Variants in PNPLA6 observed in about 807,000 individuals in gnomAD.
The protein encoded by PNPLA6 is patatin-like phospholipase domain-containing protein 6.
In PNPLA6, 105 loss-of-function variants were observed where a neutral mutation model predicts 153.7. The ratio of observed to expected loss-of-function variants is 0.68; its 90% confidence interval spans 0.58 to 0.80. The LOEUF (loss-of-function observed/expected upper bound fraction) is 0.80. Among genes scored for constraint, PNPLA6 ranks in the 30% least tolerant of loss-of-function variants. PNPLA6 has a pLI of 0.00. For missense variants in PNPLA6, 1,423 were observed against 1,919.3 expected, an observed-to-expected ratio of 0.74 and a Z score of 4.83; for synonymous variants, 825 against 822.2, an observed-to-expected ratio of 1.00 and a Z score of -0.06.
chr19:7,534,364 C>G (rs777457449), upstream of PNPLA6: 43 of 176,612 alleles, frequency 2.4e-4, no homozygotes, highest in Admixed American at 4.3e-4. Context: ...TCCCATACCC[C>G]CCACGTCTCG....
chr19:7,554,635 C>G lies in PNPLA6; in HGVS notation c.2546C>G (p.Ser849Trp), dbSNP rs1440481369. Residue 849 changes from serine (S) to tryptophan (W), a missense_variant, in exon 21 of 32, where the codon TCG becomes TGG. By Grantham distance (177) the Ser-to-Trp change is radical (BLOSUM62 -3). Transcript: ENST00000600737. ...HRIVLYQTDA[S>W]LTPWTVRCLR... ...ATCGTACTCTACCAGACGGACGCCTCGCTGACGCCCTGGACCGTGCGCTGC... is the reference window on the plus strand; with the variant it reads ...ATCGTACTCTACCAGACGGACGCCTGGCTGACGCCCTGGACCGTGCGCTGC... 1 of 1,614,030 alleles carries G rather than the reference C, an allele frequency of 6.2e-7. No homozygotes were observed. The highest frequency in any genetic ancestry group is 1.7e-5 in the Admixed American group (1 of 60,014).
rs1413236557 is a variant in PNPLA6, at chr19:7,535,881, A to G, written c.93A>G (p.Glu31=). 3 of 1,544,400 alleles carry G rather than the reference A, an allele frequency of 1.9e-6. No homozygotes were observed. In the Admixed American group the frequency reaches 5.9e-5, roughly 30 times the overall value. Residue 31 remains glutamate, a synonymous_variant, in exon 1 of 32, where the codon GAA becomes GAG. Transcript: ENST00000600737. The surrounding 1 kb of genome is among the most constrained non-coding windows in gnomAD (Gnocchi z 5.0). ...DGFQDVLAPG[E]GSAGRICGAQ... ...TCCAGGACGTCCTGGCGCCCGGGGA[A>G]GGCTCGGCGGGACGGATTTGCGGTG... is the stretch of plus-strand genomic sequence containing the variant.
At chr19:7,536,694 A>C (rs2022887446) in intron 3 of PNPLA6, 148 bp downstream of exon 3, 1 of 704,958 alleles carries the variant, frequency 1.4e-6, no homozygotes, top group East Asian at 2.7e-5. Flanking sequence ...TTGGGAGGCT[A>C]AGGCGGGCAG....
upstream of PNPLA6, chr19:7,535,114 A>C (rs2022784802): frequency 3.6e-6 from 1 of 278,500 alleles, no homozygotes; most frequent in South Asian, 4.2e-5. This position sits in a 1 kb window ranked among gnomAD's most constrained non-coding sequence, Gnocchi z 5.0. Context: ...GTCAGGCTTG[A>C]TCAACCCTGC....
rs371188270 is a variant in PNPLA6 at position 7,540,315 on chromosome 19, G to T, written c.714+7G>T. The T allele has an allele frequency of 1.2e-6, 2 of 1,602,006 alleles. No homozygotes were observed. Among genetic ancestry groups the T allele is most frequent in the Non-Finnish European group, 8.5e-7 (1 of 1,176,670 alleles). The stretch of plus-strand genomic sequence containing the variant: ...GCTCTGTCTGCCAGGGCCTGTGAGT[G>T]GGCCTCCCCAGGGGCTGCTGCAGGA... On this transcript the variant is annotated splice_region_variant and intron_variant, in intron 5 of 31. Coordinates refer to ENST00000600737, the MANE Select transcript of PNPLA6 (RefSeq NM_001166114.2). This position sits in a 1 kb window ranked among gnomAD's most constrained non-coding sequence, Gnocchi z 6.8.
chr19:7,557,335 CACACGCACACGCGTGG>C lies in PNPLA6; in HGVS notation c.3397+52_3397+67del, dbSNP rs746562132. ...ACACGCAAGCACCTCCCGCACCACA[CACACGCACACGCGTGG>C]GCACACACAGACAGGCTCGATGACG... is the stretch of plus-strand genomic sequence containing the variant. On this transcript the variant is annotated intron_variant, in intron 27 of 31. Transcript: ENST00000600737. 20 of 1,135,348 alleles carry C rather than the reference CACACGCACACGCGTGG, an allele frequency of 1.8e-5. No individual in the cohort carries two copies. In the Admixed American group the frequency reaches 3.4e-4, roughly 19 times the overall value. The allele number at this position is 1,135,348 out of a possible 1,614,324, so 70.3% of individuals were successfully genotyped here. A position where few individuals can be genotyped will look rare whatever the true frequency, so the allele number is the denominator to read the frequency against.
chr19:7,551,177 G>A, intron 17 of PNPLA6, 70 bp downstream of exon 17: 1 of 1,006,878 alleles, frequency 9.9e-7, no homozygotes, highest in Non-Finnish European at 1.5e-6. Context: ...CGGGCCTAGT[G>A]TGTGGGCGGG....
chr19:7,557,288 A>G lies in PNPLA6; in HGVS notation c.3397+4A>G. The G allele has an allele frequency of 6.3e-7, 1 of 1,579,576 alleles. No individual in the cohort carries two copies. Among genetic ancestry groups the G allele is most frequent in the Non-Finnish European group, 8.7e-7 (1 of 1,150,490 alleles). On this transcript the variant is annotated splice_donor_region_variant and intron_variant, in intron 27 of 31. Coordinates refer to ENST00000600737, the MANE Select transcript of PNPLA6 (RefSeq NM_001166114.2). ...GGCTACATCAACAATCTGCCAGGCA[A>G]GTGGCCGCCCGCACCACCCGCACAC...
intron 13 of PNPLA6, among the ~76,000 whole-genome samples, chr19:7,549,085 G>A (rs2023522973): frequency 6.6e-6 from 1 of 150,962 alleles, no homozygotes; most frequent in Non-Finnish European, 1.5e-5. Flanking sequence ...TTACAGGCAT[G>A]AGCCATCGCG....
At chr19:7,544,509 C>T (rs770631943) in intron 13 of PNPLA6, among the ~76,000 whole-genome samples, 5 of 152,126 alleles carry the variant, frequency 3.3e-5, no homozygotes, top group African/African-American at 7.2e-5. Flanking sequence ...AGCAGCAGGC[C>T]GGAACCATAC....
At position 7,556,481 on chromosome 19, in the gene PNPLA6, T is replaced by C. The variant is rs1291359628; in HGVS notation, c.3122T>C (p.Leu1041Ser). ...KSMTSVLEPV[L>S]DLTYPVTSMF... ...ATGACTTCGGTGCTGGAACCTGTGT[T>C]GGACCTCACGTACCCAGTCACCTCC... Residue 1041 changes from leucine (L) to serine (S), a missense_variant, in exon 25 of 32, where the codon TTG becomes TCG. By Grantham distance (145) the Leu-to-Ser change is moderately radical. Around this residue, in one of 10 missense-constraint regions of PNPLA6, gnomAD observed 643 missense variants for 835.2 expected, o/e 0.77. Transcript: ENST00000600737. 8 of 1,613,404 alleles carry C rather than the reference T, an allele frequency of 5.0e-6. No individual in the cohort carries two copies. The African/African-American group carries it at 1.1e-4, about 22-fold the overall frequency.
At position 7,541,220 on chromosome 19, in the gene PNPLA6, G is replaced by A. The variant is rs1178585297; in HGVS notation, c.925-134G>A. On this transcript the variant is annotated intron_variant, in intron 7 of 31. Transcript: ENST00000600737. The surrounding 1 kb of genome is among the most constrained non-coding windows in gnomAD (Gnocchi z 5.2). ...CGCGGACTCCTCCCTTAGCTGCCTC[G>A]CCCCATTTCCCCAGACTGTGGGTCT... 4 of 1,091,894 alleles carry A rather than the reference G, an allele frequency of 3.7e-6. No individual in the cohort carries two copies. The highest frequency in any genetic ancestry group is 1.6e-5 in the African/African-American group (1 of 64,372). 67.6% of individuals were successfully genotyped at this position (1,091,894 alleles called of 1,614,324 possible). A position where few individuals can be genotyped will look rare whatever the true frequency, so the allele number is the denominator to read the frequency against.
Position 7,542,187 on chromosome 19 carries a change from A to AG in PNPLA6, c.1252+122dup. On this transcript the variant is annotated intron_variant, in intron 10 of 31. Transcript: ENST00000600737. The stretch of plus-strand genomic sequence containing the variant: ...ATGGGAACACTGCCAGTACTTCCCC[A>AG]GGCACTGTTTTGTAGATATTCATTG... 13 of 764,606 alleles carry AG rather than the reference A, an allele frequency of 1.7e-5. No homozygotes were observed. The South Asian group carries it at 1.8e-4, about 10-fold the overall frequency. 47.4% of individuals were successfully genotyped at this position (764,606 alleles called of 1,614,324 possible).
chr19:7,544,123 TG>T (rs1230563158), intron 13 of PNPLA6, among the ~76,000 whole-genome samples: 1 of 151,234 alleles, frequency 6.6e-6, no homozygotes, highest in Non-Finnish European at 1.5e-5. Flanking sequence ...TTTTTTTTTT[TG>T]TTTTGAGACA....
At chr19:7,536,352 C>A in intron 2 of PNPLA6, 79 bp downstream of exon 2, 1 of 1,412,758 alleles carries the variant, frequency 7.1e-7, no homozygotes, top group Non-Finnish European at 1.0e-6. Flanking sequence ...TTAGTGTCCG[C>A]CACCGCTCCT....
At chr19:7,542,977 G>A (rs2023225123) in intron 12 of PNPLA6, 30 bp from the exon 13 acceptor site, 1 of 1,613,742 alleles carries the variant, frequency 6.2e-7, no homozygotes, top group South Asian at 1.1e-5. Context: ...AGGCCTGGCT[G>A]CGCCCATCTC....
In PNPLA6 at chr19:7,551,104, G is replaced by A. The variant is rs1409850827; in HGVS notation, c.2181G>A (p.Pro727=). ...GTLGHIKRRY[P]QVVTRLIHLL... is the part of the protein sequence containing the mutation. ...TGGGTCACATCAAACGCCGGTACCCGCAGGTGCGGCCTGTTGTGGGCGGGG... is the reference window on the plus strand; with the variant it reads ...TGGGTCACATCAAACGCCGGTACCCACAGGTGCGGCCTGTTGTGGGCGGGG... The change falls in exon 17 of 32, where the codon CCG becomes CCA. Residue 727 remains proline (P), a synonymous_variant. Coordinates refer to ENST00000600737, the MANE Select transcript of PNPLA6 (RefSeq NM_001166114.2). 7.8e-6 allele frequency: 12 copies of A among 1,540,760 alleles called. No homozygotes were observed. The Admixed American group carries it at 9.8e-5, about 13-fold the overall frequency.
chr19:7,541,871 C>G lies in PNPLA6; in HGVS notation c.1169-113C>G, dbSNP rs1480855412. The G allele has an allele frequency of 5.3e-6, 6 of 1,122,740 alleles. No individual in the cohort carries two copies. The African/African-American group carries it at 9.1e-5, about 17-fold the overall frequency. 69.5% of individuals were successfully genotyped at this position (1,122,740 alleles called of 1,614,324 possible). ...AAGCTGTGGCCTCGTCCCCAAGGGC[C>G]CATTGGAATTGCTTTAACTAGTTAA... On this transcript the variant is annotated intron_variant, in intron 9 of 31. Coordinates refer to ENST00000600737, the MANE Select transcript of PNPLA6 (RefSeq NM_001166114.2). This position sits in a 1 kb window ranked among gnomAD's most constrained non-coding sequence, Gnocchi z 5.2.
chr19:7,550,283 A>C lies in PNPLA6; in HGVS notation c.1815-15A>C. ...TTTGAGGCCTTCCTCTTTCATCCCA[A>C]GTCTGTTCCTGCAGGATCATGCGCG... On this transcript the variant is annotated splice_polypyrimidine_tract_variant and intron_variant, in intron 14 of 31. Coordinates refer to ENST00000600737, the MANE Select transcript of PNPLA6 (RefSeq NM_001166114.2). 1 of 1,612,924 alleles carries C rather than the reference A, an allele frequency of 6.2e-7. No homozygotes were observed. The highest frequency in any genetic ancestry group is 8.5e-7 in the Non-Finnish European group (1 of 1,180,036).
Sources: gnomAD v4.1 joint callset for allele counts (sites outside exome capture counted in the v4.1 genomes callset) on GRCh38, gnomAD v4.1.1 for gene constraint, gnomAD v4.1.1 regional missense constraint, Gnocchi (gnomAD v3.1) non-coding constraint, MANE v1.5 for transcripts, NCBI Gene and HGNC (gene_info 2026-07-23, HGNC 2026-07-21) for gene names.